The following WDPCP variants were observed in gnomAD, a reference collection of about 807,000 sequenced individuals.
WDPCP encodes WD repeat containing planar cell polarity effector.
In WDPCP, 71 loss-of-function variants were observed where a neutral mutation model predicts 93.1. The ratio of observed to expected loss-of-function variants is 0.76; its 90% CI spans 0.63 to 0.93. The LOEUF (loss-of-function observed/expected upper bound fraction) is 0.93. Ranked by LOEUF, WDPCP falls within the 40% of genes least tolerant of loss-of-function variation. WDPCP has a pLI of 0.00. For missense variants in WDPCP, 844 were observed against 887.4 expected (o/e 0.95, Z 0.62); for synonymous variants, 315 against 315.0 (o/e 1.00, Z 0.00).
intron 14 of WDPCP, chr2:63,232,893 T>G: frequency 5.3e-6 from 1 of 187,902 alleles, no homozygotes; most frequent in Non-Finnish European, 1.1e-5. Context: ...ACGGGAGGAA[T>G]ATGGAGGCTG....
chr2:63,159,300 A>G (rs1301675002), intron 15 of WDPCP, among the ~76,000 whole-genome samples: 1 of 148,948 alleles, frequency 6.7e-6, no homozygotes, highest in East Asian at 2.0e-4. Flanking sequence ...CTAGTTGCCT[A>G]GGCTACCCTC....
intron 2 of WDPCP, among the ~76,000 whole-genome samples, chr2:63,804,757 C>T (rs981247940): frequency 1.1e-4 from 16 of 151,742 alleles, no homozygotes; most frequent in African/African-American, 2.7e-4. Context: ...GGGCCGGGCA[C>T]GGTGGCTCAC....
chr2:63,321,628 A>G lies in WDPCP; in HGVS notation c.1749-8317T>C, dbSNP rs145116337. On this transcript the variant is annotated intron_variant, in intron 12 of 17. Coordinates refer to ENST00000272321, the MANE Select transcript of WDPCP (RefSeq NM_015910.7). ...TGGTACACGGATATAACTTTTTTTTATTATGAAAGGTAGCCCACAGCATTG... is the reference window on the plus strand; with the variant it reads ...TGGTACACGGATATAACTTTTTTTTGTTATGAAAGGTAGCCCACAGCATTG... Among the ~76,000 whole-genome samples the G allele has an allele frequency of 3.3e-5, 5 of 152,030 alleles. No individual in the cohort carries two copies. In the East Asian group the frequency reaches 9.7e-4, roughly 29 times the overall value.
At chr2:63,355,911 C>T (rs1014962053) in intron 12 of WDPCP, among the ~76,000 whole-genome samples, 7 of 151,824 alleles carry the variant, frequency 4.6e-5, no homozygotes, top group African/African-American at 1.7e-4. Flanking sequence ...ACAAAAAAAC[C>T]CCACATATAT....
chr2:63,572,711 A>AAAAAAAAAAAAAAAAAAAAAAAAAAAG (rs1707617592), intron 1 of WDPCP, among the ~76,000 whole-genome samples: 1 of 145,960 alleles, frequency 6.9e-6, no homozygotes, highest in African/African-American at 2.5e-5. Context: ...CAAAAAAAAA[A>AAAAAAAAAAAAAAAAAAAAAAAAAAAG]AAAAAAAAAA....
At chr2:63,713,942 T>C in intron 2 of WDPCP, among the ~76,000 whole-genome samples, 1 of 152,194 alleles carries the variant, frequency 6.6e-6, no homozygotes, top group East Asian at 1.9e-4. Context: ...TTATAGAGAT[T>C]GTGGTTATTG....
intron 2 of WDPCP, among the ~76,000 whole-genome samples, chr2:63,667,242 G>T (rs1710294656): frequency 6.6e-6 from 1 of 152,172 alleles, no homozygotes; most frequent in Non-Finnish European, 1.5e-5. Context: ...TTGTATTTCA[G>T]AATTTGGCAA....
Position 63,280,914 on chromosome 2 carries a change from T to A in WDPCP, c.1813-21505A>T, listed in dbSNP as rs545528947. On this transcript the variant is annotated intron_variant, in intron 13 of 17. Transcript: ENST00000272321. ...CAGAGAAACCCTTCTAGACAGTGGC[T>A]TAGGCAAAGACTTCATGACTACAAC... Among the ~76,000 whole-genome samples the A allele has an allele frequency of 7.2e-5, 11 of 152,246 alleles. No homozygotes were observed. In the South Asian group the frequency reaches 2.3e-3, roughly 32 times the overall value.
intron 13 of WDPCP, among the ~76,000 whole-genome samples, chr2:63,309,913 AAC>A (rs1231407073): frequency 6.6e-6 from 1 of 152,148 alleles, no homozygotes; most frequent in Non-Finnish European, 1.5e-5. Flanking sequence ...TAAAAATGAA[AAC>A]ACAGAGTATG....
intron 14 of WDPCP, among the ~76,000 whole-genome samples, chr2:63,251,668 T>G (rs964667659): frequency 2.0e-5 from 3 of 151,730 alleles, no homozygotes; most frequent in African/African-American, 7.3e-5. Flanking sequence ...ATTTTTTGTA[T>G]TTTTAGTAGA....
At chr2:63,538,385 A>G (rs2106287987) in intron 1 of WDPCP, among the ~76,000 whole-genome samples, 1 of 152,332 alleles carries the variant, frequency 6.6e-6, no homozygotes, top group East Asian at 1.9e-4. Context: ...AAATGTGAGT[A>G]TCCCACAGAA....
intron 2 of WDPCP, among the ~76,000 whole-genome samples, chr2:63,708,605 GT>G (rs1669208250): frequency 6.6e-6 from 1 of 152,108 alleles, no homozygotes; most frequent in Non-Finnish European, 1.5e-5. Context: ...CCTGCTTTGG[GT>G]CATGCACGGT....
intron 1 of WDPCP, among the ~76,000 whole-genome samples, chr2:63,506,804 G>A (rs1181958115): frequency 1.3e-5 from 2 of 152,060 alleles, no homozygotes; most frequent in African/African-American, 2.4e-5. Context: ...CTCGTGAGAG[G>A]TTATATCAGA....
At chr2:63,173,194 G>A (rs1307375796) in intron 15 of WDPCP, among the ~76,000 whole-genome samples, 1 of 151,684 alleles carries the variant, frequency 6.6e-6, no homozygotes, top group Non-Finnish European at 1.5e-5. Context: ...CGTGAACCCA[G>A]GAGGTGGGGG....
chr2:63,404,671 T>C lies in WDPCP; in HGVS notation c.826-14A>G, dbSNP rs187814487. The C allele has an allele frequency of 5.6e-6, 9 of 1,613,786 alleles. No individual in the cohort carries two copies. In the East Asian group the frequency reaches 2.0e-4, roughly 36 times the overall value. Reference sequence around the variant, plus strand: ...AGAACTCAGAACCTGTTAAGAAATATATCAAGTACATTCAGATAAACTTTG... The same window carrying C: ...AGAACTCAGAACCTGTTAAGAAATACATCAAGTACATTCAGATAAACTTTG... On this transcript the variant is annotated splice_polypyrimidine_tract_variant and intron_variant, in intron 9 of 17. Transcript: ENST00000272321.
intron 1 of WDPCP, among the ~76,000 whole-genome samples, chr2:63,507,137 T>C (rs1701930728): frequency 6.6e-6 from 1 of 151,940 alleles, no homozygotes; most frequent in South Asian, 2.1e-4. Flanking sequence ...ATTTTCTCTG[T>C]TGAAAGAAAT....
chr2:63,534,051 T>C (rs909043018), intron 1 of WDPCP, among the ~76,000 whole-genome samples: 1 of 151,802 alleles, frequency 6.6e-6, no homozygotes, highest in Admixed American at 6.6e-5. Flanking sequence ...CCCACAGAGA[T>C]ACAAACTACC....
intron 2 of WDPCP, among the ~76,000 whole-genome samples, chr2:63,663,415 G>C (rs1222223708): frequency 6.6e-6 from 1 of 152,188 alleles, no homozygotes; most frequent in African/African-American, 2.4e-5. Flanking sequence ...ACTAGATACA[G>C]ATAACTGGAA....
chr2:63,822,620 T>TCACACCTA lies in WDPCP; in HGVS notation n.222+4994_222+5001dup, dbSNP rs1387931473. On this transcript the variant is annotated intron_variant and non_coding_transcript_variant, in intron 1 of 4. Coordinates refer to the WDPCP transcript ENST00000467687. ...TATTCAGTCAGCTGAGCACAGTGGC[T>TCACACCTA]CACACCTATAATCCCAGCACCTTAG... Among the ~76,000 whole-genome samples, 3 of 152,134 alleles carry TCACACCTA rather than the reference T, an allele frequency of 2.0e-5. No homozygotes were observed. In the East Asian group the frequency reaches 5.8e-4, roughly 29 times the overall value.
Sources: allele counts gnomAD v4.1 joint callset (sites outside exome capture counted in the v4.1 genomes callset), GRCh38; gene constraint gnomAD v4.1.1; transcripts MANE v1.5; gene names NCBI Gene and HGNC (gene_info 2026-07-23, HGNC 2026-07-21).